Variants in OR5A1 observed in about 807,000 individuals in gnomAD.
OR5A1 encodes the protein olfactory receptor family 5 subfamily A member 1.
A neutral mutation model predicts 6.7 loss-of-function variants in OR5A1; 6 were observed. The ratio of observed to expected loss-of-function variants is 0.89; its 90% CI spans 0.49 to 1.76. The LOEUF is 1.76. OR5A1 is among the 40% of genes most tolerant of loss of function. The probability of loss-of-function intolerance (pLI) is 0.01; values close to 1 mark genes in which losing one functional copy is unlikely to be tolerated. For synonymous variants in OR5A1, 170 were observed against 155.0 expected (o/e 1.10, Z -0.72); for missense variants, 378 against 381.7 (o/e 0.99, Z 0.08).
rs2134542232 is a variant in OR5A1, at chr11:59,449,840, TG to T, written c.*5725del. 1 of 152,304 alleles carries T rather than the reference TG, an allele frequency of 6.6e-6. No individual in the cohort carries two copies. Among genetic ancestry groups the T allele is most frequent in the South Asian group, 2.1e-4 (1 of 4,830 alleles). 9.4% of individuals were successfully genotyped at this position (152,304 alleles called of 1,614,324 possible). On this transcript the variant is annotated 3_prime_UTR_variant, in exon 2 of 2. Coordinates refer to ENST00000641045, the MANE Select transcript of OR5A1 (RefSeq NM_001004728.2). ...CAGGAGTTGCAAATGGACACCCCTT[TG>T]TTCATTCATCTTCAAAAAGAATTAT...
At chr11:59,440,441 A>G (rs1312509280) in intron 1 of OR5A1, among the ~76,000 whole-genome samples, 2 of 152,188 alleles carry the variant, frequency 1.3e-5, no homozygotes, top group African/African-American at 4.8e-5. Flanking sequence ...GAGTTGCCCA[A>G]CATCCCACAG....
At position 59,448,928 on chromosome 11, in the gene OR5A1, T is replaced by C. The variant is rs1858584182; in HGVS notation, c.*4812T>C. The C allele has an allele frequency of 6.6e-6, 1 of 152,140 alleles. No homozygotes were observed. The highest frequency in any genetic ancestry group is 1.9e-4 in the East Asian group (1 of 5,198). 9.4% of individuals were successfully genotyped at this position (152,140 alleles called of 1,614,324 possible). A position where few individuals can be genotyped will look rare whatever the true frequency, so the allele number is the denominator to read the frequency against. On this transcript the variant is annotated 3_prime_UTR_variant, in exon 2 of 2. Transcript: ENST00000641045. The stretch of plus-strand genomic sequence containing the variant: ...ATCGTTATCATACAAGGACTTTGCA[T>C]CAAATTTGATGTTGATATAATTTAG...
rs1193327319 is a variant in OR5A1, at chr11:59,444,318, A to AG, written c.*203dup. ...AGCCAAAAAGGGAAGGAATTTCTTCAGAAAAAAAAAAAAAAAAAAAAGAAC... is the reference window on the plus strand; with the variant it reads ...AGCCAAAAAGGGAAGGAATTTCTTCAGGAAAAAAAAAAAAAAAAAAAAGAAC... On this transcript the variant is annotated 3_prime_UTR_variant, in exon 2 of 2. Transcript: ENST00000641045. 36 of 220,650 alleles carry AG rather than the reference A, an allele frequency of 1.6e-4. No homozygotes were observed. Among genetic ancestry groups the AG allele is most frequent in the Non-Finnish European group, 2.4e-4 (28 of 118,842 alleles). The allele number at this position is 220,650 out of a possible 1,614,324, so 13.7% of individuals were successfully genotyped here. A position where few individuals can be genotyped will look rare whatever the true frequency, so the allele number is the denominator to read the frequency against.
rs147488926 is a variant in OR5A1, at chr11:59,443,819, C to A, written c.651C>A (p.Leu217=). 2.5e-6 allele frequency: 4 copies of A among 1,614,016 alleles called. No homozygotes were observed. The African/African-American group carries it at 5.3e-5, about 22-fold the overall frequency. The stretch of plus-strand genomic sequence containing the variant: ...TCGGAGGAACATCGTTCCTCCAACT[C>A]CTTATCTCCTATGGTTACATAGTGT... ...VTVGGTSFLQ[L]LISYGYIVSA... The change falls in exon 2 of 2, where the codon CTC becomes CTA. Residue 217 remains leucine, a synonymous_variant. Coordinates refer to ENST00000641045, the MANE Select transcript of OR5A1 (RefSeq NM_001004728.2).
At chr11:59,438,164 G>A (rs886150340) in intron 1 of OR5A1, among the ~76,000 whole-genome samples, 2 of 152,092 alleles carry the variant, frequency 1.3e-5, no homozygotes, top group Admixed American at 6.5e-5. Flanking sequence ...ACTGTCTGCC[G>A]AACTGTGAGC....
intron 1 of OR5A1, among the ~76,000 whole-genome samples, chr11:59,442,161 C>T (rs973095901): frequency 1.3e-5 from 2 of 152,176 alleles, no homozygotes; most frequent in African/African-American, 4.8e-5. Flanking sequence ...AACTAAACAA[C>T]TCAGGCCAGG....
At position 59,445,765 on chromosome 11, in the gene OR5A1, T is replaced by A. The variant is rs973152227; in HGVS notation, c.*1649T>A. On this transcript the variant is annotated 3_prime_UTR_variant, in exon 2 of 2. Transcript: ENST00000641045. ...TTTGCATTTCTCTAATAATTAGTGA[T>A]GTTGAGCTTTTTTTCATATGTTTGT... 6.6e-6 allele frequency: 1 copy of A among 152,242 alleles called. No homozygotes were observed. Among genetic ancestry groups the A allele is most frequent in the Non-Finnish European group, 1.5e-5 (1 of 68,046 alleles). 9.4% of individuals were successfully genotyped at this position (152,242 alleles called of 1,614,324 possible).
rs750388312 is a variant in OR5A1 at position 59,443,897 on chromosome 11, G to A, written c.729G>A (p.Thr243=). 61 of 1,614,018 alleles carry A rather than the reference G, an allele frequency of 3.8e-5. 1 individual carries two copies. The South Asian group carries it at 4.0e-4, about 10-fold the overall frequency. Residue 243 remains threonine (T), a synonymous_variant, in exon 2 of 2, where the codon ACG becomes ACA. Coordinates refer to ENST00000641045, the MANE Select transcript of OR5A1 (RefSeq NM_001004728.2). ...AGGGCCGATGGAAAGCCTGCAACAC[G>A]TGTGCCTCGCATCTGATGGTGGTGA... ...SAEGRWKACN[T]CASHLMVVTL...
chr11:59,446,969 C>T lies in OR5A1; in HGVS notation c.*2853C>T, dbSNP rs1858557034. ...CTTCATCCTCTAAATTCATTCCCATCCACGGCCAATAAAACGTAGAATGAC... is the reference window on the plus strand; with the variant it reads ...CTTCATCCTCTAAATTCATTCCCATTCACGGCCAATAAAACGTAGAATGAC... On this transcript the variant is annotated 3_prime_UTR_variant, in exon 2 of 2. Coordinates refer to ENST00000641045, the MANE Select transcript of OR5A1 (RefSeq NM_001004728.2). 6.6e-6 allele frequency: 1 copy of T among 152,224 alleles called. No individual in the cohort carries two copies. Among genetic ancestry groups the T allele is most frequent in the African/African-American group, 2.4e-5 (1 of 41,460 alleles). The allele number at this position is 152,224 out of a possible 1,614,324, so 9.4% of individuals were successfully genotyped here. A position where few individuals can be genotyped will look rare whatever the true frequency, so the allele number is the denominator to read the frequency against.
At position 59,448,052 on chromosome 11, in the gene OR5A1, T is replaced by TA. The variant is rs922941063; in HGVS notation, c.*3943dup. 4 of 152,132 alleles carry TA rather than the reference T, an allele frequency of 2.6e-5. No individual in the cohort carries two copies. The highest frequency in any genetic ancestry group is 4.4e-5 in the Non-Finnish European group (3 of 68,018). The allele number at this position is 152,132 out of a possible 1,614,324, so 9.4% of individuals were successfully genotyped here. A position where few individuals can be genotyped will look rare whatever the true frequency, so the allele number is the denominator to read the frequency against. ...CACACTAATGATAGCTGATGAGCTT[T>TA]AAAAAAATCACAAAAAAACTCTTAA... On this transcript the variant is annotated 3_prime_UTR_variant, in exon 2 of 2. Coordinates refer to ENST00000641045, the MANE Select transcript of OR5A1 (RefSeq NM_001004728.2).
In OR5A1 at chr11:59,449,019, T is replaced by C. The variant is rs958016760; in HGVS notation, c.*4903T>C. 2.0e-5 allele frequency: 3 copies of C among 152,120 alleles called. No homozygotes were observed. The highest frequency in any genetic ancestry group is 4.4e-5 in the Non-Finnish European group (3 of 68,020). 9.4% of individuals were successfully genotyped at this position (152,120 alleles called of 1,614,324 possible). ...AGTTTCATCACCTCCTTATTAGATG[T>C]GCTATCATAATGGGTGTGTGTGTGT... On this transcript the variant is annotated 3_prime_UTR_variant, in exon 2 of 2. Transcript: ENST00000641045.
At chr11:59,437,836 C>A in intron 1 of OR5A1, among the ~76,000 whole-genome samples, 3 of 152,222 alleles carry the variant, frequency 2.0e-5, no homozygotes, top group Middle Eastern at 3.4e-3. Flanking sequence ...TAAGCTGGAC[C>A]CTGTTTGATA....
Position 59,443,128 on chromosome 11 carries a change from T to C in OR5A1, c.-33-8T>C. On this transcript the variant is annotated splice_polypyrimidine_tract_variant and splice_region_variant and intron_variant, in intron 1 of 1. Coordinates refer to ENST00000641045, the MANE Select transcript of OR5A1 (RefSeq NM_001004728.2). ...CACCTATAATGTGGACTGTCATTAC[T>C]ATCCCAGGTCTGCATCTTGTCCTTG... 1 of 1,493,148 alleles carries C rather than the reference T, an allele frequency of 6.7e-7. No homozygotes were observed. The highest frequency in any genetic ancestry group is 9.3e-7 in the Non-Finnish European group (1 of 1,076,586). The allele number at this position is 1,493,148 out of a possible 1,614,324, so 92.5% of individuals were successfully genotyped here. A position where few individuals can be genotyped will look rare whatever the true frequency, so the allele number is the denominator to read the frequency against.
At position 59,443,858 on chromosome 11, in the gene OR5A1, G is replaced by A. The variant is rs140993037; in HGVS notation, c.690G>A (p.Lys230=). 1.9e-6 allele frequency: 3 copies of A among 1,614,090 alleles called. No homozygotes were observed. The highest frequency in any genetic ancestry group is 3.3e-5 in the Admixed American group (2 of 60,020). ...SYGYIVSAVL[K]IPSAEGRWKA... The stretch of plus-strand genomic sequence containing the variant: ...GTTACATAGTGTCTGCGGTCCTGAA[G>A]ATCCCTTCAGCAGAGGGCCGATGGA... Residue 230 remains lysine, a synonymous_variant, in exon 2 of 2, where the codon AAG becomes AAA. Coordinates refer to ENST00000641045, the MANE Select transcript of OR5A1 (RefSeq NM_001004728.2).
At position 59,443,493 on chromosome 11, in the gene OR5A1, G is replaced by A. The variant is rs367633461; in HGVS notation, c.325G>A (p.Gly109Ser). Residue 109 changes from glycine to serine, a missense_variant, in exon 2 of 2, where the codon GGC becomes AGC. Transcript: ENST00000641045. The stretch of plus-strand genomic sequence containing the variant: ...TGCTGCTCAGTTTTTTTTCTTTGTC[G>A]GCATGGGTCTGTCTGAGTGCCTCCT... ...GCAAQFFFFV[G>S]MGLSECLLLT... The A allele has an allele frequency of 9.3e-6, 15 of 1,613,418 alleles. No homozygotes were observed. The highest frequency in any genetic ancestry group is 5.4e-5 in the African/African-American group (4 of 74,694).
chr11:59,438,300 TC>T (rs1189072916), intron 1 of OR5A1, among the ~76,000 whole-genome samples: 1 of 152,204 alleles, frequency 6.6e-6, no homozygotes, highest in Non-Finnish European at 1.5e-5. Flanking sequence ...AGACACATGT[TC>T]TCTTCAACTG....
rs1436127702 is a variant in OR5A1 at position 59,445,171 on chromosome 11, T to G, written c.*1055T>G. 3.3e-5 allele frequency: 5 copies of G among 152,064 alleles called. No individual in the cohort carries two copies. Among genetic ancestry groups the G allele is most frequent in the Non-Finnish European group, 5.9e-5 (4 of 67,996 alleles). 9.4% of individuals were successfully genotyped at this position (152,064 alleles called of 1,614,324 possible). The stretch of plus-strand genomic sequence containing the variant: ...CCCGATGCTCTCCCTCCTCCCTGCC[T>G]CCTGACAGGCCCCAATGTGCATTGT... On this transcript the variant is annotated 3_prime_UTR_variant, in exon 2 of 2. Transcript: ENST00000641045.
rs910763097 is a variant in OR5A1, at chr11:59,443,561, C to T, written c.393C>T (p.Ser131=). The T allele has an allele frequency of 3.7e-6, 6 of 1,613,972 alleles. No homozygotes were observed. The highest frequency in any genetic ancestry group is 1.3e-5 in the African/African-American group (1 of 74,872). Residue 131 remains serine (S), a synonymous_variant, in exon 2 of 2, where the codon AGC becomes AGT. Coordinates refer to ENST00000641045, the MANE Select transcript of OR5A1 (RefSeq NM_001004728.2). ...ACGACCGATATGCAGCCATCTCCAG[C>T]CCCCTTCTCTACCCCACTATCATGA... The part of the protein sequence containing the change: ...MAYDRYAAIS[S]PLLYPTIMTQ...
intron 1 of OR5A1, among the ~76,000 whole-genome samples, chr11:59,438,204 C>A (rs1858443497): frequency 6.6e-6 from 1 of 152,140 alleles, no homozygotes; most frequent in African/African-American, 2.4e-5. Flanking sequence ...TATAAATTAT[C>A]CAGCCTCAGG....
Sources: allele counts gnomAD v4.1 joint callset (sites outside exome capture counted in the v4.1 genomes callset), GRCh38; gene constraint gnomAD v4.1.1; transcripts MANE v1.5; gene names NCBI Gene and HGNC (gene_info 2026-07-23, HGNC 2026-07-21).